ZFP64: variants seen among roughly 807,000 people sequenced by gnomAD.
The protein encoded by ZFP64 is ZFP64 zinc finger protein.
Under a neutral mutation model 51.6 loss-of-function variants are expected in ZFP64, and 14 were observed. The observed-to-expected ratio is 0.27, with a 90% CI of 0.18 to 0.42. ZFP64 has a LOEUF of 0.42. Among genes scored for constraint, ZFP64 ranks in the 10% least tolerant of loss-of-function variants. The pLI, the probability that ZFP64 is intolerant of heterozygous loss-of-function variation, is 1.00. For missense variants in ZFP64, 754 were observed against 906.8 expected, an observed-to-expected ratio of 0.83 and a Z score of 2.16; for synonymous variants, 375 against 361.4, an observed-to-expected ratio of 1.04 and a Z score of -0.43.
intron 5 of ZFP64, among the ~76,000 whole-genome samples, chr20:52,132,578 A>G (rs1979774251): frequency 6.6e-6 from 1 of 152,186 alleles, no homozygotes; most frequent in South Asian, 2.1e-4. Flanking sequence ...TACTATGAGC[A>G]ACTGCATGTC....
intron 7 of ZFP64, chr20:52,088,728 T>A (rs190237790): frequency 6.4e-7 from 1 of 1,572,658 alleles, no homozygotes; most frequent in Non-Finnish European, 8.7e-7. Flanking sequence ...CCTGGGCATA[T>A]GGGTGTGCCG....
chr20:52,112,295 CAGTT>C (rs546198225), intron 5 of ZFP64, among the ~76,000 whole-genome samples: 220 of 152,164 alleles, frequency 1.4e-3, no homozygotes, highest in Non-Finnish European at 2.6e-3. Flanking sequence ...TAAGTATTAA[CAGTT>C]ATTTATGATA....
exon 6 of ZFP64, chr20:52,098,548 A>G (rs559973518): frequency 1.2e-6 from 2 of 1,614,054 alleles, no homozygotes; most frequent in Admixed American, 3.3e-5. Flanking sequence ...TTCAGTGGAG[A>G]GGCAGTTTGC....
Position 52,190,518 on chromosome 20 carries a change from G to A in ZFP64, c.46+1073C>T, listed in dbSNP as rs1984290759. ...CGGGCTTGTTATGAGAATTAAATGG[G>A]ATGGTGCTCGTACCAGCACAGTCCC... is the stretch of plus-strand genomic sequence containing the variant. On this transcript the variant is annotated intron_variant, in intron 1 of 5. Transcript: ENST00000216923. Among the ~76,000 whole-genome samples, 3 of 151,964 alleles carry A rather than the reference G, an allele frequency of 2.0e-5. No homozygotes were observed. The South Asian group carries it at 6.2e-4, about 32-fold the overall frequency.
rs1980829108 is a variant in ZFP64 at position 52,151,902 on chromosome 20, T to C, written c.*244A>G. The C allele has an allele frequency of 3.9e-6, 4 of 1,028,278 alleles. No homozygotes were observed. The highest frequency in any genetic ancestry group is 5.2e-6 in the Non-Finnish European group (4 of 769,702). The allele number at this position is 1,028,278 out of a possible 1,614,324, so 63.7% of individuals were successfully genotyped here. On this transcript the variant is annotated 3_prime_UTR_variant, in exon 6 of 6. Transcript: ENST00000216923. ...ATATACAAAAATTAGCCAGTCATGA[T>C]GTCGTACACCTGTGGTCCCAGCTAC... is the stretch of plus-strand genomic sequence containing the variant.
intron 5 of ZFP64, chr20:52,105,431 G>C: frequency 8.4e-7 from 1 of 1,187,460 alleles, no homozygotes; most frequent in African/African-American, 1.6e-5. Context: ...GGAGTCCCGC[G>C]GACTTGCGGT....
chr20:52,126,538 GC>G (rs1979454803), intron 5 of ZFP64, among the ~76,000 whole-genome samples: 1 of 152,182 alleles, frequency 6.6e-6, no homozygotes, highest in Non-Finnish European at 1.5e-5. Flanking sequence ...GTTGAAAGAT[GC>G]CCTATAAAGA....
chr20:52,091,328 T>A (rs961783519), intron 7 of ZFP64, among the ~76,000 whole-genome samples: 10 of 152,108 alleles, frequency 6.6e-5, no homozygotes, highest in African/African-American at 2.4e-4. Flanking sequence ...GGAGAGCTCA[T>A]CTCTACTTTA....
intron 5 of ZFP64, among the ~76,000 whole-genome samples, chr20:52,158,735 A>C (rs1484733683): frequency 6.6e-6 from 1 of 152,056 alleles, no homozygotes; most frequent in African/African-American, 2.4e-5. Context: ...AAAAAGTCCC[A>C]ATTCTTCACC....
At chr20:52,097,273 T>C (rs1040507540) in intron 7 of ZFP64, 96 of 1,384,342 alleles carry the variant, frequency 6.9e-5, no homozygotes, top group Non-Finnish European at 7.5e-5. Flanking sequence ...ATGAGGCAGA[T>C]GAGGCAGAGA....
chr20:52,128,354 A>G (rs755092124), intron 5 of ZFP64, among the ~76,000 whole-genome samples: 4 of 152,210 alleles, frequency 2.6e-5, no homozygotes, highest in Non-Finnish European at 5.9e-5. Context: ...GCTTTGCCCC[A>G]TTATGGTGGT....
chr20:52,115,876 C>T (rs1332392300), intron 5 of ZFP64, among the ~76,000 whole-genome samples: 2 of 151,840 alleles, frequency 1.3e-5, no homozygotes, highest in African/African-American at 2.4e-5. Context: ...CTCTTGCTGC[C>T]CAGGCTGGAA....
At chr20:52,176,270 G>A (rs1983205137) in intron 2 of ZFP64, among the ~76,000 whole-genome samples, 1 of 152,090 alleles carries the variant, frequency 6.6e-6, no homozygotes, top group Admixed American at 6.5e-5. Context: ...AACCCAAACT[G>A]AGACTAAGAC....
At chr20:52,173,525 C>G (rs1334695895) in intron 2 of ZFP64, among the ~76,000 whole-genome samples, 1 of 152,182 alleles carries the variant, frequency 6.6e-6, no homozygotes, top group Non-Finnish European at 1.5e-5. Context: ...GAGTTCCAGG[C>G]TGCAGTGAGC....
chr20:52,102,242 T>C (rs2079060964), intron 5 of ZFP64, among the ~76,000 whole-genome samples: 1 of 151,954 alleles, frequency 6.6e-6, no homozygotes, highest in South Asian at 2.1e-4. Context: ...TCACAGCCAG[T>C]GGTTCTCAGA....
chr20:52,097,456 T>G (rs868022479), intron 6 of ZFP64: 2 of 1,046,116 alleles, frequency 1.9e-6, no homozygotes, highest in Admixed American at 6.3e-5. Context: ...AAAATAGATT[T>G]TTTTTTTTTT....
intron 2 of ZFP64, among the ~76,000 whole-genome samples, chr20:52,168,067 T>C (rs114060199): frequency 0.011 from 1,625 of 152,320 alleles, 25 homozygotes; most frequent in African/African-American, 0.037. Context: ...CCTGACTTCT[T>C]TGGACATTTG....
chr20:52,088,770 A>T, intron 7 of ZFP64: 1 of 1,216,600 alleles, frequency 8.2e-7, no homozygotes, highest in African/African-American at 1.5e-5. Flanking sequence ...AGAGAGAAAG[A>T]TACTGAAGTC....
rs1398863212 is a variant in ZFP64 at position 52,176,079 on chromosome 20, A to T, written c.287-10054T>A. 8.5e-6 allele frequency: 4 copies of T among 468,250 alleles called. No individual in the cohort carries two copies. The South Asian group carries it at 3.6e-4, about 43-fold the overall frequency. The allele number at this position is 468,250 out of a possible 1,614,324, so 29.0% of individuals were successfully genotyped here. ...GTGCAGTGGAAGACACCTGACAGCA[A>T]CTGGGCCAATCGAGTCTCTTGCTCT... On this transcript the variant is annotated intron_variant, in intron 2 of 5. Coordinates refer to ENST00000216923, the MANE Select transcript of ZFP64 (RefSeq NM_018197.3).
Sources: allele counts gnomAD v4.1 joint callset (sites outside exome capture counted in the v4.1 genomes callset), GRCh38; gene constraint gnomAD v4.1.1; transcripts MANE v1.5; gene names NCBI Gene and HGNC (gene_info 2026-07-23, HGNC 2026-07-21).